TEX2: variants seen among roughly 807,000 people sequenced by gnomAD.
TEX2 encodes testis expressed 2.
TEX2 carries 53 observed loss-of-function variants against 106.9 expected under a neutral mutation model. The ratio of observed to expected loss-of-function variants is 0.50; its 90% CI spans 0.40 to 0.62. The LOEUF (loss-of-function observed/expected upper bound fraction) is 0.62. Ranked by LOEUF, TEX2 falls within the 20% of genes least tolerant of loss-of-function variation. TEX2 has a pLI of 0.00. For missense variants in TEX2, 1,207 were observed against 1,379.0 expected (o/e 0.88, Z 1.98); for synonymous variants, 523 against 534.8 (o/e 0.98, Z 0.30).
At chr17:64,163,689 C>A (rs895730451) in intron 7 of TEX2, among the ~76,000 whole-genome samples, 2 of 152,222 alleles carry the variant, frequency 1.3e-5, no homozygotes, top group South Asian at 2.1e-4. Context: ...TCAGGAGGCC[C>A]CTGCCTTGCA....
At chr17:64,171,241 C>T (rs377295413) in intron 6 of TEX2, 42 bp from the exon 7 acceptor site, 12 of 1,527,770 alleles carry the variant, frequency 7.9e-6, no homozygotes, top group African/African-American at 4.1e-5. Flanking sequence ...CCATGAGCAA[C>T]CTACAAAACA....
intron 1 of TEX2, among the ~76,000 whole-genome samples, chr17:64,252,697 C>A (rs1384979498): frequency 6.6e-6 from 1 of 152,122 alleles, no homozygotes; most frequent in Admixed American, 6.5e-5. Flanking sequence ...CATTCATTCA[C>A]CCCGAGAATA....
intron 1 of TEX2, among the ~76,000 whole-genome samples, chr17:64,236,275 T>C (rs782266003): frequency 3.3e-5 from 5 of 152,186 alleles, no homozygotes; most frequent in Non-Finnish European, 7.3e-5. Flanking sequence ...CTAGAGATTA[T>C]TTAAAGTATA....
chr17:64,209,586 C>T (rs2032935914), intron 2 of TEX2, among the ~76,000 whole-genome samples: 1 of 152,194 alleles, frequency 6.6e-6, no homozygotes, highest in South Asian at 2.1e-4. Context: ...CATTAAAGTA[C>T]TTGTTCTCTA....
At chr17:64,218,824 C>T (rs1312104719) in intron 1 of TEX2, among the ~76,000 whole-genome samples, 4 of 152,114 alleles carry the variant, frequency 2.6e-5, no homozygotes, top group Non-Finnish European at 5.9e-5. Context: ...CAAAGGACTA[C>T]AGCTACTAGG....
intron 8 of TEX2, chr17:64,155,173 C>T (rs531536069): frequency 2.0e-6 from 1 of 501,816 alleles, no homozygotes; most frequent in African/African-American, 2.0e-5. Flanking sequence ...TCAGGACACT[C>T]TTCAGCACCA....
chr17:64,186,092 A>G (rs2032061729), intron 5 of TEX2, among the ~76,000 whole-genome samples: 2 of 152,244 alleles, frequency 1.3e-5, no homozygotes, highest in African/African-American at 4.8e-5. Flanking sequence ...AAACCAAGGA[A>G]ACAAAGCTCT....
chr17:64,171,282 G>T, intron 6 of TEX2, 83 bp from the exon 7 acceptor site: 2 of 1,170,770 alleles, frequency 1.7e-6, no homozygotes, highest in Non-Finnish European at 2.5e-6. Flanking sequence ...CTTCCGGAGA[G>T]GATGGTGGCC....
intron 4 of TEX2, among the ~76,000 whole-genome samples, chr17:64,188,835 T>G (rs12452316): frequency 0.029 from 4,433 of 152,006 alleles, 103 homozygotes; most frequent in South Asian, 0.1. Context: ...AAAAAAAATT[T>G]TATAAGTTTA....
intron 5 of TEX2, among the ~76,000 whole-genome samples, chr17:64,184,395 C>T (rs1412664715): frequency 6.6e-6 from 1 of 152,206 alleles, no homozygotes; most frequent in Non-Finnish European, 1.5e-5. Flanking sequence ...AGCCACTGCA[C>T]CCAGCCCCGT....
chr17:64,261,699 A>T (rs186240024), intron 1 of TEX2, among the ~76,000 whole-genome samples: 3 of 152,274 alleles, frequency 2.0e-5, no homozygotes, highest in African/African-American at 7.2e-5. Context: ...CTCTCCCTCC[A>T]AGCCTTCACA....
chr17:64,212,896 T>C lies in TEX2; in HGVS notation c.1322A>G (p.Asp441Gly). Residue 441 changes from aspartate (D) to glycine (G), a missense_variant, in exon 2 of 12, where the codon GAT becomes GGT. Asp to Gly is a moderately conservative substitution (Grantham distance 94, BLOSUM62 -1). Coordinates refer to ENST00000584379, the MANE Select transcript of TEX2 (RefSeq NM_001288732.2). ...GAGCACCTCTGGCTTGAGAGGAATA[T>C]CTGAGAGCTTATCAACTTTACTCTC... ...EGESKVDKLS[D>G]IPLKPEVLAE... The C allele has an allele frequency of 6.2e-7, 1 of 1,614,220 alleles. No homozygotes were observed. The highest frequency in any genetic ancestry group is 1.7e-5 in the Admixed American group (1 of 60,030).
At chr17:64,236,204 C>A (rs2033763285) in intron 1 of TEX2, among the ~76,000 whole-genome samples, 1 of 151,882 alleles carries the variant, frequency 6.6e-6, no homozygotes, top group African/African-American at 2.4e-5. Context: ...ATTTTAAAAA[C>A]AATACACAAT....
Position 64,193,865 on chromosome 17 carries a change from C to A in TEX2, c.1870G>T (p.Ala624Ser). ...SKIYLVPKTL[A>S]RKRIWNKKYP... The stretch of plus-strand genomic sequence containing the variant: ...TTTTTATTCCAGATTCGCTTTCGAG[C>A]CAAAGTTTTAGGTACAAGATAAATC... The change falls in exon 4 of 12, where the codon GCT becomes TCT. Residue 624 changes from alanine to serine, a missense_variant. Around this residue, in one of 3 missense-constraint regions of TEX2, gnomAD observed 1,067 missense variants for 1,193.6 expected, o/e 0.89. Transcript: ENST00000584379. 1.3e-6 allele frequency: 2 copies of A among 1,557,476 alleles called. No homozygotes were observed. Among genetic ancestry groups the A allele is most frequent in the Non-Finnish European group, 1.7e-6 (2 of 1,146,434 alleles).
chr17:64,174,105 C>T (rs1041347874), intron 6 of TEX2, among the ~76,000 whole-genome samples: 11 of 152,260 alleles, frequency 7.2e-5, no homozygotes, highest in Admixed American at 3.3e-4. Flanking sequence ...TTCGGCCTCC[C>T]GAAGTGCTGG....
At chr17:64,224,679 C>T (rs541183628) in intron 1 of TEX2, among the ~76,000 whole-genome samples, 5 of 152,194 alleles carry the variant, frequency 3.3e-5, no homozygotes, top group African/African-American at 4.8e-5. Context: ...AGGGTTTAGA[C>T]GAAGAAACTA....
rs375062765 is a variant in TEX2 at position 64,180,611 on chromosome 17, T to A, written c.2425-3140A>T. Among the ~76,000 whole-genome samples, 21 of 152,368 alleles carry A rather than the reference T, an allele frequency of 1.4e-4. No homozygotes were observed. In the East Asian group the frequency reaches 3.9e-3, roughly 28 times the overall value. On this transcript the variant is annotated intron_variant, in intron 5 of 11. Coordinates refer to ENST00000584379, the MANE Select transcript of TEX2 (RefSeq NM_001288732.2). Reference sequence around the variant, plus strand: ...AAAGAAACAATGTGCATACATTTCCTAATATTGCCATTTGGCTATAGGATG... The same window carrying A: ...AAAGAAACAATGTGCATACATTTCCAAATATTGCCATTTGGCTATAGGATG...
chr17:64,157,707 A>G (rs996635624), intron 8 of TEX2, among the ~76,000 whole-genome samples: 3 of 152,274 alleles, frequency 2.0e-5, no homozygotes, highest in Admixed American at 6.5e-5. Flanking sequence ...ACACATGTGC[A>G]TACACACCCA....
intron 1 of TEX2, among the ~76,000 whole-genome samples, chr17:64,224,717 T>A (rs535445387): frequency 2.0e-5 from 3 of 152,050 alleles, no homozygotes; most frequent in African/African-American, 7.2e-5. Context: ...CACCACCGCA[T>A]AGACCTTTTA....
Sources: gnomAD v4.1 joint callset for allele counts (sites outside exome capture counted in the v4.1 genomes callset) on GRCh38, gnomAD v4.1.1 for gene constraint, gnomAD v4.1.1 regional missense constraint, MANE v1.5 for transcripts, NCBI Gene and HGNC (gene_info 2026-07-23, HGNC 2026-07-21) for gene names.